The following FBN2 variants were observed in gnomAD, a reference collection of about 807,000 sequenced individuals.
FBN2 encodes fibrillin-2.
Under a neutral mutation model 355.6 loss-of-function variants are expected in FBN2, and 105 were observed. The observed-to-expected ratio is 0.30, with a 90% CI of 0.25 to 0.35. FBN2 has a LOEUF of 0.35. Ranked by LOEUF, FBN2 falls within the 10% of genes least tolerant of loss-of-function variation. FBN2 has a pLI of 1.00. For synonymous variants in FBN2, 1,350 were observed against 1,301.2 expected (o/e 1.04, Z -0.81); for missense variants, 3,280 against 3,758.7 (o/e 0.87, Z 3.33).
In FBN2 at chr5:128,301,396, C is replaced by A; in HGVS notation, c.6032G>T (p.Gly2011Val). 1 of 1,613,086 alleles carries A rather than the reference C, an allele frequency of 6.2e-7. No individual in the cohort carries two copies. The highest frequency in any genetic ancestry group is 8.5e-7 in the Non-Finnish European group (1 of 1,179,286). The change falls in exon 47 of 65, where the codon GGC becomes GTC. Residue 2011 changes from glycine to valine, a missense_variant. Physicochemically the swap from Gly to Val is moderately radical, Grantham distance 109. Transcript: ENST00000262464. ...TAAATACTTACCTATACAGTTTTTGCCATCTGGGGTAAGTTCATAACCTTC... is the reference window on the plus strand; with the variant it reads ...TAAATACTTACCTATACAGTTTTTGACATCTGGGGTAAGTTCATAACCTTC... ...CNEGYELTPD[G>V]KNCIDTNECV...
chr5:128,298,349 C>A (rs910882969), intron 48 of FBN2, among the ~76,000 whole-genome samples: 2 of 151,798 alleles, frequency 1.3e-5, no homozygotes, highest in Admixed American at 1.3e-4. Context: ...ATCTTTGTGG[C>A]GTTCTCTGTA....
At chr5:128,264,991 A>G (rs1363060158) in intron 62 of FBN2, among the ~76,000 whole-genome samples, 1 of 152,248 alleles carries the variant, frequency 6.6e-6, no homozygotes, top group African/African-American at 2.4e-5. Context: ...AAAGGAGACC[A>G]CTAAATGTAG....
chr5:128,329,277 A>C (rs780759936), intron 33 of FBN2, among the ~76,000 whole-genome samples: 12 of 152,196 alleles, frequency 7.9e-5, no homozygotes, highest in Non-Finnish European at 1.2e-4. Flanking sequence ...CACTATGGGA[A>C]TGGGGAAAGT....
chr5:128,512,148 C>T (rs1200043485), intron 5 of FBN2, among the ~76,000 whole-genome samples: 3 of 152,158 alleles, frequency 2.0e-5, no homozygotes, highest in Admixed American at 6.5e-5. Flanking sequence ...GAAACTTACG[C>T]TGTTCACAAC....
chr5:128,316,875 A>T (rs1419113008), intron 36 of FBN2, among the ~76,000 whole-genome samples: 1 of 152,196 alleles, frequency 6.6e-6, no homozygotes, highest in Non-Finnish European at 1.5e-5. Flanking sequence ...CCAGTGAGTC[A>T]GAATTTCTGA....
intron 34 of FBN2, among the ~76,000 whole-genome samples, chr5:128,326,922 C>A (rs1168071179): frequency 6.6e-6 from 1 of 152,114 alleles, no homozygotes; most frequent in East Asian, 1.9e-4. Context: ...AGGGCCTATG[C>A]CACCCATAAA....
At chr5:128,449,293 C>T (rs115251888) in intron 6 of FBN2, among the ~76,000 whole-genome samples, 15,461 of 145,840 alleles carry the variant, frequency 0.11, 967 homozygotes, top group African/African-American at 0.17. Flanking sequence ...TACTATTATA[C>T]TATATAATAG....
At chr5:128,446,780 T>C (rs1052805447) in intron 6 of FBN2, among the ~76,000 whole-genome samples, 174 bp from the exon 7 acceptor site, 3 of 152,224 alleles carry the variant, frequency 2.0e-5, no homozygotes, top group African/African-American at 7.2e-5. Context: ...TTTATGTAAA[T>C]GGTATCATGT....
intron 8 of FBN2, among the ~76,000 whole-genome samples, chr5:128,403,932 T>C (rs904604957): frequency 5.3e-5 from 8 of 152,156 alleles, no homozygotes; most frequent in African/African-American, 1.4e-4. Context: ...AGAAATAGGA[T>C]CAAGTTTACT....
At chr5:128,371,714 G>C (rs1751950287) in intron 15 of FBN2, among the ~76,000 whole-genome samples, 1 of 152,124 alleles carries the variant, frequency 6.6e-6, no homozygotes, top group East Asian at 1.9e-4. Flanking sequence ...TGTATTTTTA[G>C]TAGAGATGGG....
intron 8 of FBN2, among the ~76,000 whole-genome samples, chr5:128,399,539 T>A (rs989470409): frequency 6.6e-6 from 1 of 151,954 alleles, no homozygotes; most frequent in African/African-American, 2.4e-5. Context: ...AAGATCCCAA[T>A]GGAAGGTTTG....
At chr5:128,423,859 T>C (rs1753417263) in intron 7 of FBN2, among the ~76,000 whole-genome samples, 2 of 152,140 alleles carry the variant, frequency 1.3e-5, no homozygotes, top group Non-Finnish European at 2.9e-5. Context: ...TTCAGAAATC[T>C]AGAAGAGAGA....
At chr5:128,444,051 G>GTTTTTT (rs1208530129) in intron 7 of FBN2, among the ~76,000 whole-genome samples, 2 of 71,598 alleles carry the variant, frequency 2.8e-5, no homozygotes, top group Admixed American at 1.4e-4. Flanking sequence ...AATATCACTT[G>GTTTTTT]TTCTTTTTTT....
chr5:128,400,679 A>T (rs1485542528), intron 8 of FBN2, among the ~76,000 whole-genome samples: 1 of 152,258 alleles, frequency 6.6e-6, no homozygotes, highest in African/African-American at 2.4e-5. Context: ...ATATTCTTGG[A>T]CCACAATGTA....
chr5:128,329,429 T>C (rs1214270111), intron 33 of FBN2, among the ~76,000 whole-genome samples: 1 of 152,114 alleles, frequency 6.6e-6, no homozygotes, highest in Non-Finnish European at 1.5e-5. Context: ...GAGGGTGTCA[T>C]TTGCCATATG....
intron 44 of FBN2, 101 bp from the exon 45 acceptor site, chr5:128,305,183 G>T: frequency 9.6e-7 from 1 of 1,046,466 alleles, no homozygotes; most frequent in Non-Finnish European, 1.4e-6. Context: ...ATTATTATAG[G>T]CAGGCTGAAA....
chr5:128,329,240 T>C (rs1750630490), intron 33 of FBN2, among the ~76,000 whole-genome samples: 1 of 152,186 alleles, frequency 6.6e-6, no homozygotes, highest in Admixed American at 6.5e-5. Flanking sequence ...TTTTCACTAA[T>C]TCAAGTGTTT....
chr5:128,436,487 T>C (rs1753770439), intron 7 of FBN2, among the ~76,000 whole-genome samples: 1 of 152,140 alleles, frequency 6.6e-6, no homozygotes, highest in Non-Finnish European at 1.5e-5. Flanking sequence ...CCTCCCAACA[T>C]AAATGTATCA....
intron 7 of FBN2, chr5:128,442,448 A>G (rs539741267): frequency 4.5e-6 from 2 of 439,896 alleles, no homozygotes; most frequent in African/African-American, 2.0e-5. Flanking sequence ...ATTTCATATT[A>G]TATTGATGTG....
Sources: gnomAD v4.1 joint callset for allele counts (sites outside exome capture counted in the v4.1 genomes callset) on GRCh38, gnomAD v4.1.1 for gene constraint, MANE v1.5 for transcripts, NCBI Gene and HGNC (gene_info 2026-07-23, HGNC 2026-07-21) for gene names.